IL13: variants seen among roughly 807,000 people sequenced by gnomAD.
IL13 encodes the protein interleukin-13.
In IL13, 9 loss-of-function variants were observed where a neutral mutation model predicts 11.1. The observed-to-expected ratio is 0.81, with a 90% CI of 0.49 to 1.42. The LOEUF (loss-of-function observed/expected upper bound fraction) is 1.42. Among genes scored for constraint, IL13 ranks in the 40% most tolerant of loss-of-function variants. IL13 has a pLI of 0.00. For synonymous variants in IL13, 75 were observed against 76.9 expected (o/e 0.97, Z 0.13); for missense variants, 181 against 182.5 (o/e 0.99, Z 0.05).
In IL13 at chr5:132,660,286, T is replaced by G; in HGVS notation, c.*4T>G. On this transcript the variant is annotated 3_prime_UTR_variant, in exon 4 of 4. Transcript: ENST00000304506. Reference sequence around the variant, plus strand: ...TCGCGAGGGACAGTTCAACTGAAACTTCGAAAGCATCATTATTTGCAGAGA... The same window carrying G: ...TCGCGAGGGACAGTTCAACTGAAACGTCGAAAGCATCATTATTTGCAGAGA... 6.2e-7 allele frequency: 1 copy of G among 1,613,468 alleles called. No individual in the cohort carries two copies. The highest frequency in any genetic ancestry group is 8.5e-7 in the Non-Finnish European group (1 of 1,179,892).
chr5:132,657,480 A>AC (rs1581033938), upstream of IL13, among the ~76,000 whole-genome samples: 1 of 152,006 alleles, frequency 6.6e-6, no homozygotes, highest in African/African-American at 2.4e-5. Context: ...ACATAGTGAG[A>AC]CCCCATCTCC....
chr5:132,661,014 A>T lies in IL13; in HGVS notation c.*732A>T, dbSNP rs966142916. On this transcript the variant is annotated 3_prime_UTR_variant, in exon 4 of 4. Coordinates refer to ENST00000304506, the MANE Select transcript of IL13 (RefSeq NM_002188.3). ...TTAAATATGTTAGCAAAGAGTTAATATATAGAAGGGTACCTTGAACACTGG... is the reference window on the plus strand; with the variant it reads ...TTAAATATGTTAGCAAAGAGTTAATTTATAGAAGGGTACCTTGAACACTGG... The T allele has an allele frequency of 6.6e-6, 1 of 152,586 alleles. No homozygotes were observed. The highest frequency in any genetic ancestry group is 1.5e-5 in the Non-Finnish European group (1 of 68,068). 9.5% of individuals were successfully genotyped at this position (152,586 alleles called of 1,614,324 possible).
Position 132,658,365 on chromosome 5 carries a change from G to C in IL13, c.174+5G>C. ...AACATCACCCAGAACCAGAAGGTGA[G>C]TGTCGGCTAGCCAGGGTCCTAGCTA... is the stretch of plus-strand genomic sequence containing the variant. On this transcript the variant is annotated splice_donor_5th_base_variant and intron_variant, in intron 1 of 3. Transcript: ENST00000304506. The C allele has an allele frequency of 6.3e-7, 1 of 1,589,184 alleles. No individual in the cohort carries two copies. The highest frequency in any genetic ancestry group is 8.6e-7 in the Non-Finnish European group (1 of 1,160,446).
upstream of IL13, among the ~76,000 whole-genome samples, chr5:132,657,493 AAAAAC>A (rs564856494): frequency 4.3e-4 from 66 of 152,232 alleles, no homozygotes; most frequent in African/African-American, 1.5e-3. Flanking sequence ...CCATCTCCAA[AAAAAC>A]AAAACAAAAC....
rs376870298 is a variant in IL13, at chr5:132,658,233, C to T, written c.47C>T (p.Ala16Val). The change falls in exon 1 of 4, where the codon GCG (alanine) becomes GTG (valine). Residue 16 changes from alanine to valine, a missense_variant. Ala to Val is a moderately conservative substitution (Grantham distance 64). Transcript: ENST00000304506. The part of the protein sequence containing the change: ...NPLLLALGLM[A>V]LLLTTVIALT... Reference sequence around the variant, plus strand: ...CTCCTGTTGGCACTGGGCCTCATGGCGCTTTTGTTGACCACGGTCATTGCT... The same window carrying T: ...CTCCTGTTGGCACTGGGCCTCATGGTGCTTTTGTTGACCACGGTCATTGCT... 1.2e-5 allele frequency: 19 copies of T among 1,611,670 alleles called. No homozygotes were observed. The East Asian group carries it at 1.8e-4, about 15-fold the overall frequency.
At position 132,659,985 on chromosome 5, in the gene IL13, T is replaced by C. The variant is rs1752118021; in HGVS notation, c.333+157T>C. 6.6e-6 allele frequency among the ~76,000 whole-genome samples: 1 copy of C among 152,184 alleles called. No homozygotes were observed. Among genetic ancestry groups the C allele is most frequent in the Non-Finnish European group, 1.5e-5 (1 of 68,022 alleles). On this transcript the variant is annotated intron_variant, in intron 3 of 3. Coordinates refer to ENST00000304506, the MANE Select transcript of IL13 (RefSeq NM_002188.3). The surrounding 1 kb of genome is among the most constrained non-coding windows in gnomAD (Gnocchi z 4.1). The stretch of plus-strand genomic sequence containing the variant: ...CGTGGCCTTCGGGATTTACAGGATC[T>C]GGGCTCAAGGGCTCCTAACTCCTAC...
chr5:132,659,220 AACAGTGGG>A lies in IL13; in HGVS notation c.175-195_175-188del. On this transcript the variant is annotated intron_variant, in intron 1 of 3. Coordinates refer to ENST00000304506, the MANE Select transcript of IL13 (RefSeq NM_002188.3). This position sits in a 1 kb window ranked among gnomAD's most constrained non-coding sequence, Gnocchi z 4.1. ...TTTTTCTCTCAGCTCCAAGACCCTAAACAGTGGGACCTCACCCCTATGCCTGCTGTTCA... is the reference window on the plus strand; with the variant it reads ...TTTTTCTCTCAGCTCCAAGACCCTAAACCTCACCCCTATGCCTGCTGTTCA... 1.7e-6 allele frequency: 1 copy of A among 589,082 alleles called. No homozygotes were observed. The highest frequency in any genetic ancestry group is 3.1e-6 in the Non-Finnish European group (1 of 322,120). 36.5% of individuals were successfully genotyped at this position (589,082 alleles called of 1,614,324 possible).
Position 132,659,303 on chromosome 5 carries a change from T to C in IL13, c.175-115T>C. ...GCTGAGGGGCTGCCAGGCCTGCCTC[T>C]GTGCCACACCAGGGATGCTTGTGGG... is the stretch of plus-strand genomic sequence containing the variant. On this transcript the variant is annotated intron_variant, in intron 1 of 3. Coordinates refer to ENST00000304506, the MANE Select transcript of IL13 (RefSeq NM_002188.3). This position sits in a 1 kb window ranked among gnomAD's most constrained non-coding sequence, Gnocchi z 4.1. The C allele has an allele frequency of 1.3e-6, 1 of 756,670 alleles. No homozygotes were observed. The allele number at this position is 756,670 out of a possible 1,614,324, so 46.9% of individuals were successfully genotyped here. A position where few individuals can be genotyped will look rare whatever the true frequency, so the allele number is the denominator to read the frequency against.
At position 132,659,078 on chromosome 5, in the gene IL13, C is replaced by T. The variant is rs1242317975; in HGVS notation, c.175-340C>T. 3.0e-6 allele frequency: 1 copy of T among 328,254 alleles called. No individual in the cohort carries two copies. Among genetic ancestry groups the T allele is most frequent in the African/African-American group, 2.1e-5 (1 of 47,556 alleles). 20.3% of individuals were successfully genotyped at this position (328,254 alleles called of 1,614,324 possible). A position where few individuals can be genotyped will look rare whatever the true frequency, so the allele number is the denominator to read the frequency against. On this transcript the variant is annotated intron_variant, in intron 1 of 3. Transcript: ENST00000304506. This position sits in a 1 kb window ranked among gnomAD's most constrained non-coding sequence, Gnocchi z 4.1. Reference sequence around the variant, plus strand: ...TCTGATTTGTCTTGGTCAACAGTGGCCCAGGCCACTCCTACTTCACTCGTC... The same window carrying T: ...TCTGATTTGTCTTGGTCAACAGTGGTCCAGGCCACTCCTACTTCACTCGTC...
In IL13 at chr5:132,659,754, G is replaced by T; in HGVS notation, c.259G>T (p.Val87Leu). 6.2e-7 allele frequency: 1 copy of T among 1,613,956 alleles called. No homozygotes were observed. Among genetic ancestry groups the T allele is most frequent in the Non-Finnish European group, 8.5e-7 (1 of 1,180,018 alleles). ...TGCAGCCCTGGAATCCCTGATCAACGTGTCAGGCTGCAGTGCCATCGAGAA... is the reference window on the plus strand; with the variant it reads ...TGCAGCCCTGGAATCCCTGATCAACTTGTCAGGCTGCAGTGCCATCGAGAA... Reference protein sequence around the residue: ...YCAALESLINVSGCSAIEKTQ... With the variant: ...YCAALESLINLSGCSAIEKTQ... The change falls in exon 3 of 4, where the codon GTG becomes TTG. Residue 87 changes from valine to leucine, a missense_variant. Coordinates refer to ENST00000304506, the MANE Select transcript of IL13 (RefSeq NM_002188.3). This position sits in a 1 kb window ranked among gnomAD's most constrained non-coding sequence, Gnocchi z 4.1.
In IL13 at chr5:132,659,122, G is replaced by T; in HGVS notation, c.175-296G>T. On this transcript the variant is annotated intron_variant, in intron 1 of 3. Transcript: ENST00000304506. The surrounding 1 kb of genome is among the most constrained non-coding windows in gnomAD (Gnocchi z 4.1). Reference sequence around the variant, plus strand: ...ACTCGTCCCCACCCTGGCCCTTCCCGCAGGCCCCTGTCCTCCTGCCCTGAC... The same window carrying T: ...ACTCGTCCCCACCCTGGCCCTTCCCTCAGGCCCCTGTCCTCCTGCCCTGAC... The T allele has an allele frequency of 5.2e-6, 2 of 387,496 alleles. No homozygotes were observed. The highest frequency in any genetic ancestry group is 9.8e-6 in the Non-Finnish European group (2 of 204,344). 24.0% of individuals were successfully genotyped at this position (387,496 alleles called of 1,614,324 possible). A position where few individuals can be genotyped will look rare whatever the true frequency, so the allele number is the denominator to read the frequency against.
At position 132,658,222 on chromosome 5, in the gene IL13, G is replaced by A. The variant is rs758908496; in HGVS notation, c.36G>A (p.Leu12=). Residue 12 remains leucine (L), a synonymous_variant, in exon 1 of 4, where the codon CTG becomes CTA. Coordinates refer to ENST00000304506, the MANE Select transcript of IL13 (RefSeq NM_002188.3). ...HPLLNPLLLA[L]GLMALLLTTV... ...TCCTCAATCCTCTCCTGTTGGCACT[G>A]GGCCTCATGGCGCTTTTGTTGACCA... The A allele has an allele frequency of 2.5e-6, 4 of 1,612,230 alleles. No individual in the cohort carries two copies. The highest frequency in any genetic ancestry group is 3.4e-6 in the Non-Finnish European group (4 of 1,178,726).
In IL13 at chr5:132,659,641, G is replaced by T; in HGVS notation, c.229-83G>T. The T allele has an allele frequency of 6.3e-7, 1 of 1,598,772 alleles. No homozygotes were observed. Among genetic ancestry groups the T allele is most frequent in the Non-Finnish European group, 8.5e-7 (1 of 1,169,868 alleles). ...CACCACCCAGACTCACCTGCGCCAG[G>T]CATCTCAGCCCCATCTTCCTGCAGA... On this transcript the variant is annotated intron_variant, in intron 2 of 3. Coordinates refer to ENST00000304506, the MANE Select transcript of IL13 (RefSeq NM_002188.3). This position sits in a 1 kb window ranked among gnomAD's most constrained non-coding sequence, Gnocchi z 4.1.
chr5:132,658,127 G>T, upstream of IL13: 1 of 901,984 alleles, frequency 1.1e-6, no homozygotes, highest in Non-Finnish European at 1.7e-6. Context: ...GGTGTCAGGC[G>T]TCACCACTTG....
intron 1 of IL13, 133 bp downstream of exon 1, chr5:132,658,493 C>T (rs928620851): frequency 1.5e-5 from 9 of 584,050 alleles, no homozygotes; most frequent in East Asian, 5.9e-5. Context: ...GACCAAGGCC[C>T]GGCCCAGCCA....
rs1752108991 is a variant in IL13 at position 132,659,634 on chromosome 5, G to T, written c.229-90G>T. 1 of 1,598,040 alleles carries T rather than the reference G, an allele frequency of 6.3e-7. No homozygotes were observed. Among genetic ancestry groups the T allele is most frequent in the Admixed American group, 1.7e-5 (1 of 59,470 alleles). On this transcript the variant is annotated intron_variant, in intron 2 of 3. Transcript: ENST00000304506. The surrounding 1 kb of genome is among the most constrained non-coding windows in gnomAD (Gnocchi z 4.1). ...TCCCGCCCACCACCCAGACTCACCTGCGCCAGGCATCTCAGCCCCATCTTC... is the reference window on the plus strand; with the variant it reads ...TCCCGCCCACCACCCAGACTCACCTTCGCCAGGCATCTCAGCCCCATCTTC...
chr5:132,658,060 A>C (rs1171577940), upstream of IL13: 6 of 579,098 alleles, frequency 1.0e-5, no homozygotes, highest in Admixed American at 3.2e-5. Context: ...CCACAAAGTA[A>C]AATCAAGATG....
At position 132,659,398 on chromosome 5, in the gene IL13, C is replaced by T. The variant is rs748739561; in HGVS notation, c.175-20C>T. The T allele has an allele frequency of 6.3e-7, 1 of 1,592,364 alleles. No homozygotes were observed. Among genetic ancestry groups the T allele is most frequent in the East Asian group, 2.2e-5 (1 of 44,520 alleles). The stretch of plus-strand genomic sequence containing the variant: ...ACAACCCCTGCCAGCACTCTGCTCA[C>T]TGTCACTTTGCTCCCACAGGCTCCG... On this transcript the variant is annotated intron_variant, in intron 1 of 3. Transcript: ENST00000304506. This position sits in a 1 kb window ranked among gnomAD's most constrained non-coding sequence, Gnocchi z 4.1.
upstream of IL13, among the ~76,000 whole-genome samples, chr5:132,657,441 T>G (rs1423621792): frequency 2.6e-5 from 4 of 152,096 alleles, no homozygotes; most frequent in African/African-American, 9.7e-5. Context: ...CGCTTGAGTC[T>G]GGGAGTTGGA....
Sources: gnomAD v4.1 joint callset for allele counts (sites outside exome capture counted in the v4.1 genomes callset) on GRCh38, gnomAD v4.1.1 for gene constraint, Gnocchi (gnomAD v3.1) non-coding constraint, MANE v1.5 for transcripts, NCBI Gene and HGNC (gene_info 2026-07-23, HGNC 2026-07-21) for gene names.